Variants in ADAMTS3 observed in about 807,000 individuals in gnomAD.
The protein encoded by ADAMTS3 is A disintegrin and metalloproteinase with thrombospondin motifs 3.
In ADAMTS3, 73 loss-of-function variants were observed where a neutral mutation model predicts 129.0. That is an observed-to-expected ratio of 0.57 (90% confidence interval 0.47 to 0.69). The LOEUF is 0.69. Ranked by LOEUF, ADAMTS3 falls within the 30% of genes least tolerant of loss-of-function variation. ADAMTS3 has a pLI of 0.00. For synonymous variants in ADAMTS3, 477 were observed against 510.8 expected (o/e 0.93, Z 0.89); for missense variants, 1,457 against 1,514.5 (o/e 0.96, Z 0.63).
chr4:72,485,253 C>T (rs371325156), intron 3 of ADAMTS3, among the ~76,000 whole-genome samples: 7 of 152,056 alleles, frequency 4.6e-5, no homozygotes, highest in Non-Finnish European at 7.4e-5. Flanking sequence ...TATTTTGTTT[C>T]CAACTCAAGA....
intron 3 of ADAMTS3, among the ~76,000 whole-genome samples, chr4:72,464,548 A>G (rs1718867640): frequency 6.6e-6 from 1 of 152,062 alleles, no homozygotes. Flanking sequence ...TTAAAAGAAA[A>G]TCCACTAGCA....
Position 72,283,551 on chromosome 4 carries a change from G to A in ADAMTS3, c.3203C>T (p.Thr1068Ile), listed in dbSNP as rs369688516. The A allele has an allele frequency of 1.2e-6, 2 of 1,614,064 alleles. No individual in the cohort carries two copies. Among genetic ancestry groups the A allele is most frequent in the South Asian group, 2.2e-5 (2 of 91,068 alleles). The change falls in exon 22 of 22, where the codon ACT becomes ATT. Residue 1068 changes from threonine to isoleucine, a missense_variant. Coordinates refer to ENST00000286657, the MANE Select transcript of ADAMTS3 (RefSeq NM_014243.3). The stretch of plus-strand genomic sequence containing the variant: ...AGGGTTAGAGATGACATCATCATGA[G>A]TTTCAGCAGCTTCTAGAAGGTATGG... ...PPPYLLEAAETHDDVISNPSD... is the reference protein window; with the variant it reads ...PPPYLLEAAEIHDDVISNPSD...
At chr4:72,453,575 A>C (rs890055369) in intron 3 of ADAMTS3, among the ~76,000 whole-genome samples, 2 of 151,700 alleles carry the variant, frequency 1.3e-5, no homozygotes, top group African/African-American at 4.8e-5. Flanking sequence ...AAGTCCAAGC[A>C]ATCACATCTA....
In ADAMTS3 at chr4:72,461,662, A is replaced by G. The variant is rs530791334; in HGVS notation, c.505-46691T>C. On this transcript the variant is annotated intron_variant, in intron 3 of 21. Coordinates refer to ENST00000286657, the MANE Select transcript of ADAMTS3 (RefSeq NM_014243.3). ...CTGAACTGATACTCTTAACACCTTTATTAAAACAAATCTAATCTCTCTGCT... is the reference window on the plus strand; with the variant it reads ...CTGAACTGATACTCTTAACACCTTTGTTAAAACAAATCTAATCTCTCTGCT... Among the ~76,000 whole-genome samples the G allele has an allele frequency of 3.3e-5, 5 of 152,008 alleles. No homozygotes were observed. The South Asian group carries it at 1.0e-3, about 32-fold the overall frequency.
At chr4:72,400,179 A>G (rs1229515643) in intron 4 of ADAMTS3, among the ~76,000 whole-genome samples, 3 of 139,994 alleles carry the variant, frequency 2.1e-5, no homozygotes, top group Non-Finnish European at 3.1e-5. Context: ...ATATGCACAC[A>G]TGGTATGTAT....
intron 3 of ADAMTS3, among the ~76,000 whole-genome samples, chr4:72,528,214 T>A (rs531917392): frequency 0.037 from 5,529 of 148,454 alleles, 122 homozygotes; most frequent in Non-Finnish European, 0.049. Context: ...ATTCTCTCTT[T>A]AAAAAAAAAA....
rs756653013 is a variant in ADAMTS3, at chr4:72,414,922, T to C, written c.554A>G (p.Glu185Gly). The C allele has an allele frequency of 3.8e-6, 6 of 1,580,006 alleles. No homozygotes were observed. Among genetic ancestry groups the C allele is most frequent in the South Asian group, 1.2e-5 (1 of 85,798 alleles). Residue 185 changes from glutamate to glycine, a missense_variant, in exon 4 of 22, where the codon GAA becomes GGA. Glu to Gly is a moderately conservative substitution (Grantham distance 98). Transcript: ENST00000286657. ...DNEEYFIEPL[E>G]RGKQMEEEKG... The stretch of plus-strand genomic sequence containing the variant: ...TTCTTCCTCCATCTGTTTACCTCTT[T>C]CCAAGGGTTCAATGAAATACTCTTC...
intron 3 of ADAMTS3, among the ~76,000 whole-genome samples, chr4:72,477,552 G>T (rs1304292632): frequency 6.6e-6 from 1 of 151,826 alleles, no homozygotes; most frequent in Non-Finnish European, 1.5e-5. Flanking sequence ...GTGTGTAGAG[G>T]GAAATTTATA....
chr4:72,405,895 T>C (rs1722037488), intron 4 of ADAMTS3, among the ~76,000 whole-genome samples: 1 of 152,166 alleles, frequency 6.6e-6, no homozygotes, highest in African/African-American at 2.4e-5. Flanking sequence ...GGCTAAAATA[T>C]GCAAATCATC....
chr4:72,373,061 T>C (rs961016969), intron 4 of ADAMTS3, among the ~76,000 whole-genome samples: 2 of 152,172 alleles, frequency 1.3e-5, no homozygotes, highest in Admixed American at 6.5e-5. Flanking sequence ...CCCGTTAAAA[T>C]TGTGATAATT....
chr4:72,283,272 G>C lies in ADAMTS3; in HGVS notation c.3482C>G (p.Ala1161Gly). The change falls in exon 22 of 22, where the codon GCT becomes GGT. Residue 1161 changes from alanine to glycine, a missense_variant. Transcript: ENST00000286657. ...GAAGGAAGCAGCAGCCATTTGTGAA[G>C]CTGAACTGAGGTGGACCCTCTTGGT... is the stretch of plus-strand genomic sequence containing the variant. ...PPTKRVHLSS[A>G]SQMAAASFFA... 4 of 1,614,098 alleles carry C rather than the reference G, an allele frequency of 2.5e-6. No individual in the cohort carries two copies. Among genetic ancestry groups the C allele is most frequent in the Non-Finnish European group, 3.4e-6 (4 of 1,179,978 alleles).
chr4:72,428,634 G>T (rs1162043830), intron 3 of ADAMTS3, among the ~76,000 whole-genome samples: 1 of 151,932 alleles, frequency 6.6e-6, no homozygotes, highest in Non-Finnish European at 1.5e-5. Flanking sequence ...TGGCATAAAG[G>T]AGAAACCCTA....
At chr4:72,439,272 A>T (rs1220606077) in intron 3 of ADAMTS3, among the ~76,000 whole-genome samples, 1 of 151,752 alleles carries the variant, frequency 6.6e-6, no homozygotes, top group African/African-American at 2.4e-5. Flanking sequence ...TACAGTAATT[A>T]CCTTGAGCAA....
chr4:72,282,759 A>G lies in ADAMTS3; in HGVS notation c.*377T>C, dbSNP rs949136340. On this transcript the variant is annotated 3_prime_UTR_variant, in exon 22 of 22. Coordinates refer to ENST00000286657, the MANE Select transcript of ADAMTS3 (RefSeq NM_014243.3). ...TGTTCCATATCCAAAATTTCTTGTT[A>G]AAGTGTAAACCATTGGTATCTCTTT... 3.8e-5 allele frequency: 6 copies of G among 157,912 alleles called. No homozygotes were observed. Among genetic ancestry groups the G allele is most frequent in the Non-Finnish European group, 7.0e-5 (5 of 71,838 alleles). 9.8% of individuals were successfully genotyped at this position (157,912 alleles called of 1,614,324 possible).
chr4:72,470,361 T>TTATATATA (rs143241307), intron 3 of ADAMTS3, among the ~76,000 whole-genome samples: 29,383 of 115,440 alleles, frequency 0.25, 3,986 homozygotes, highest in South Asian at 0.41. Flanking sequence ...TATTTTAAGT[T>TTATATATA]TATATATATA....
chr4:72,450,097 T>G (rs1289918491), intron 3 of ADAMTS3, among the ~76,000 whole-genome samples: 1 of 151,816 alleles, frequency 6.6e-6, no homozygotes, highest in Middle Eastern at 3.4e-3. Context: ...ACATAACTTC[T>G]TAGGCCCTCA....
chr4:72,539,386 C>G (rs1085942), intron 3 of ADAMTS3, among the ~76,000 whole-genome samples: 49,452 of 149,724 alleles, frequency 0.33, 8,600 homozygotes, highest in East Asian at 0.45. Context: ...AAGTGGCCAA[C>G]AGGCACACGA....
intron 8 of ADAMTS3, 70 bp from the exon 9 acceptor site, chr4:72,319,545 A>G: frequency 6.6e-7 from 1 of 1,524,798 alleles, no homozygotes; most frequent in South Asian, 1.3e-5. Context: ...GGTTTTGAAA[A>G]TAAGCCCTGG....
intron 4 of ADAMTS3, among the ~76,000 whole-genome samples, chr4:72,386,850 T>A (rs1452999267): frequency 6.6e-6 from 1 of 152,190 alleles, no homozygotes; most frequent in Non-Finnish European, 1.5e-5. Flanking sequence ...TAAGGGTTCA[T>A]AAGAAAGTAG....
Sources: gnomAD v4.1 joint callset for allele counts (sites outside exome capture counted in the v4.1 genomes callset) on GRCh38, gnomAD v4.1.1 for gene constraint, MANE v1.5 for transcripts, NCBI Gene and HGNC (gene_info 2026-07-23, HGNC 2026-07-21) for gene names.